ZNF718: variants seen among roughly 807,000 people sequenced by gnomAD.
ZNF718 encodes the protein zinc finger protein 718.
In ZNF718, 3 loss-of-function variants were observed where a neutral mutation model predicts 2.6. The observed-to-expected ratio is 1.16, with a 90% CI of 0.53 to 3.01. The LOEUF is 3.01. Among genes scored for constraint, ZNF718 ranks in the 30% most tolerant of loss-of-function variants. The pLI is 0.03. For missense variants in ZNF718, 468 were observed against 230.0 expected (o/e 2.03, Z -6.69); for synonymous variants, 135 against 77.9 (o/e 1.73, Z -3.86).
At chr4:198,239 C>T (rs190549243) in intron 3 of ZNF718, among the ~76,000 whole-genome samples, 184 of 152,294 alleles carry the variant, frequency 1.2e-3, no homozygotes, top group Non-Finnish European at 2.4e-3. Context: ...TCTCATCTGC[C>T]ATGGCTGCCT....
At chr4:185,313 G>T (rs1717545478) in intron 3 of ZNF718, among the ~76,000 whole-genome samples, 1 of 152,142 alleles carries the variant, frequency 6.6e-6, no homozygotes, top group South Asian at 2.1e-4. Context: ...GCATGGTTTT[G>T]AGTGAATTTC....
intron 3 of ZNF718, among the ~76,000 whole-genome samples, chr4:189,887 C>CT (rs1480642580): frequency 1.3e-5 from 2 of 152,042 alleles, no homozygotes; most frequent in Non-Finnish European, 2.9e-5. Flanking sequence ...TTCTATTGTT[C>CT]AAGTAACATT....
chr4:162,235 C>G lies in ZNF718; in HGVS notation c.*113C>G, dbSNP rs1392839805. ...ATTGACAAAGCTTTTAACCGCAACT[C>G]AATCTGTTCTAAACATAAGAGAAAT... On this transcript the variant is annotated 3_prime_UTR_variant, in exon 4 of 4. Coordinates refer to ENST00000510175, the MANE Select transcript of ZNF718 (RefSeq NM_001039127.6). 1 of 579,104 alleles carries G rather than the reference C, an allele frequency of 1.7e-6. No individual in the cohort carries two copies. The highest frequency in any genetic ancestry group is 3.0e-5 in the Admixed American group (1 of 32,872). The allele number at this position is 579,104 out of a possible 1,614,324, so 35.9% of individuals were successfully genotyped here. A position where few individuals can be genotyped will look rare whatever the true frequency, so the allele number is the denominator to read the frequency against.
rs539614624 is a variant in ZNF718 at position 125,636 on chromosome 4, G to A, written c.3+963G>A. 2.0e-5 allele frequency among the ~76,000 whole-genome samples: 3 copies of A among 152,284 alleles called. No homozygotes were observed. In the South Asian group the frequency reaches 6.2e-4, roughly 32 times the overall value. On this transcript the variant is annotated intron_variant, in intron 1 of 3. Coordinates refer to ENST00000510175, the MANE Select transcript of ZNF718 (RefSeq NM_001039127.6). ...GTTCTGCACAGGCGCTGTCCCGCTG[G>A]GCACTGTCCTCTTCCTCCAGGCCTC...
In ZNF718 at chr4:164,026, C is replaced by T. The variant is rs367820222; in HGVS notation, c.*1904C>T. 2.6e-5 allele frequency: 4 copies of T among 152,052 alleles called. No homozygotes were observed. Among genetic ancestry groups the T allele is most frequent in the East Asian group, 3.9e-4 (2 of 5,176 alleles). The allele number at this position is 152,052 out of a possible 1,614,324, so 9.4% of individuals were successfully genotyped here. ...TTGTATTACAAACAATCCAATTATA[C>T]ACTTCATTTTTAAATGTACAATTAA... On this transcript the variant is annotated 3_prime_UTR_variant, in exon 4 of 4. Transcript: ENST00000510175.
chr4:181,329 T>G (rs1236094652), intron 3 of ZNF718, among the ~76,000 whole-genome samples: 1 of 152,030 alleles, frequency 6.6e-6, no homozygotes, highest in Non-Finnish European at 1.5e-5. Flanking sequence ...TTCTTGATTT[T>G]GCTTTTGTGT....
Position 132,125 on chromosome 4 carries a change from A to G in ZNF718, c.226+620A>G, listed in dbSNP as rs1430384671. Among the ~76,000 whole-genome samples the G allele has an allele frequency of 3.0e-5, 2 of 65,622 alleles. 1 individual carries two copies. Among genetic ancestry groups the G allele is most frequent in the African/African-American group, 1.1e-4 (2 of 18,824 alleles). The allele number at this position is 65,622 out of a possible 152,430, so 43.1% of individuals were successfully genotyped here. ...GCACTCCAGCCTGGGCGACAGAGCGAGATTCAGTCTCAAAAAAAAAAAAAA... is the reference window on the plus strand; with the variant it reads ...GCACTCCAGCCTGGGCGACAGAGCGGGATTCAGTCTCAAAAAAAAAAAAAA... On this transcript the variant is annotated intron_variant, in intron 3 of 3. Transcript: ENST00000510175.
At chr4:135,903 T>A (rs1715550904) in intron 3 of ZNF718, among the ~76,000 whole-genome samples, 1 of 151,964 alleles carries the variant, frequency 6.6e-6, no homozygotes, top group South Asian at 2.1e-4. Flanking sequence ...GATCTTGGCC[T>A]CAGCTGTGGT....
chr4:167,920 T>A (rs1251265440), downstream of ZNF718, among the ~76,000 whole-genome samples: 1 of 152,202 alleles, frequency 6.6e-6, no homozygotes, highest in African/African-American at 2.4e-5. Context: ...GGCATCCCTG[T>A]CTTGTGCCAG....
At chr4:145,712 CCT>C (rs1229051929) in intron 3 of ZNF718, among the ~76,000 whole-genome samples, 3 of 152,100 alleles carry the variant, frequency 2.0e-5, no homozygotes, top group Non-Finnish European at 4.4e-5. Flanking sequence ...CCTGCCTTGG[CCT>C]CTCCAAGTGC....
rs562438700 is a variant in ZNF718 at position 187,635 on chromosome 4, G to T, written c.227-13446G>T. Among the ~76,000 whole-genome samples the T allele has an allele frequency of 4.5e-4, 69 of 152,314 alleles. 2 individuals carry two copies. In the Middle Eastern group the frequency reaches 0.017, roughly 38 times the overall value. ...TCCTCTGGGGTCTCCATCCCAGGGG[G>T]TACTGACCTGTTGACTGCCTGAACA... On this transcript the variant is annotated intron_variant and NMD_transcript_variant, in intron 3 of 4. Transcript: ENST00000642529.
At chr4:180,383 C>T (rs541951642) in intron 3 of ZNF718, among the ~76,000 whole-genome samples, 1 of 152,278 alleles carries the variant, frequency 6.6e-6, no homozygotes, top group Admixed American at 6.5e-5. Context: ...GAAAAGAATC[C>T]TTTATTAGCA....
intron 3 of ZNF718, among the ~76,000 whole-genome samples, chr4:198,531 C>G (rs1187723783): frequency 1.3e-4 from 20 of 152,160 alleles, no homozygotes; most frequent in African/African-American, 4.6e-4. Context: ...TGCAGGGCAC[C>G]TATGAATCTG....
At chr4:192,659 G>A (rs555906159) in intron 3 of ZNF718, among the ~76,000 whole-genome samples, 3 of 152,282 alleles carry the variant, frequency 2.0e-5, no homozygotes, top group South Asian at 2.1e-4. Flanking sequence ...AGATTTCCTC[G>A]GGAGGGGTGC....
chr4:193,106 C>A (rs1553821476), intron 3 of ZNF718, among the ~76,000 whole-genome samples: 3 of 152,160 alleles, frequency 2.0e-5, no homozygotes, highest in Non-Finnish European at 2.9e-5. Context: ...CATTCTATTT[C>A]TTCTGCTGAG....
At chr4:190,505 CAA>C (rs1553821012) in intron 3 of ZNF718, among the ~76,000 whole-genome samples, 1 of 143,950 alleles carries the variant, frequency 6.9e-6, no homozygotes. Flanking sequence ...GTGGAAGAAA[CAA>C]GAAGCTATAA....
chr4:162,967 A>T lies in ZNF718; in HGVS notation c.*845A>T, dbSNP rs527925226. The T allele has an allele frequency of 6.6e-6, 1 of 152,322 alleles. No individual in the cohort carries two copies. The highest frequency in any genetic ancestry group is 2.1e-4 in the South Asian group (1 of 4,826). The allele number at this position is 152,322 out of a possible 1,614,324, so 9.4% of individuals were successfully genotyped here. On this transcript the variant is annotated 3_prime_UTR_variant, in exon 4 of 4. Coordinates refer to ENST00000510175, the MANE Select transcript of ZNF718 (RefSeq NM_001039127.6). Reference sequence around the variant, plus strand: ...AAAAAATTCCAAAGCTGAAACTGTTAGATAATTTCTTTCTATATAAGTTGA... The same window carrying T: ...AAAAAATTCCAAAGCTGAAACTGTTTGATAATTTCTTTCTATATAAGTTGA...
At chr4:166,838 A>G (rs1553816957), downstream of ZNF718, among the ~76,000 whole-genome samples, 1 of 152,144 alleles carries the variant, frequency 6.6e-6, no homozygotes, top group African/African-American at 2.4e-5. Context: ...TTTGCTGTGC[A>G]GAAGCTCTTT....
At chr4:193,996 C>G (rs184197498) in intron 3 of ZNF718, among the ~76,000 whole-genome samples, 45 of 152,276 alleles carry the variant, frequency 3.0e-4, no homozygotes, top group Non-Finnish European at 5.0e-4. Context: ...ATTTGCCCAG[C>G]CTTTCCCTGT....
Sources: allele counts gnomAD v4.1 joint callset (sites outside exome capture counted in the v4.1 genomes callset), GRCh38; gene constraint gnomAD v4.1.1; transcripts MANE v1.5; gene names NCBI Gene and HGNC (gene_info 2026-07-23, HGNC 2026-07-21).